Variants in RREB1 observed in about 807,000 individuals in gnomAD.
RREB1 encodes the protein ras-responsive element-binding protein 1.
Under a neutral mutation model 117.8 loss-of-function variants are expected in RREB1, and 27 were observed. That is an observed-to-expected ratio of 0.23 (90% confidence interval 0.17 to 0.32). The LOEUF is 0.32. Among genes scored for constraint, RREB1 ranks in the 10% least tolerant of loss-of-function variants. RREB1 has a pLI of 1.00. For missense variants in RREB1, 2,577 were observed against 2,378.2 expected (o/e 1.08, Z -1.74); for synonymous variants, 1,298 against 1,026.7 (o/e 1.26, Z -5.05).
chr6:7,200,244 A>ATGTGTGTGTGTGTGTGTGTG (rs70978945), intron 6 of RREB1, among the ~76,000 whole-genome samples: 3 of 129,358 alleles, frequency 2.3e-5, no homozygotes, highest in Non-Finnish European at 3.2e-5. Flanking sequence ...ATGTGTGTAT[A>ATGTGTGTGTGTGTGTGTGTG]TGTGTGTGTG....
intron 12 of RREB1, among the ~76,000 whole-genome samples, chr6:7,247,567 G>A (rs1769163449): frequency 6.6e-6 from 1 of 152,164 alleles, no homozygotes. Flanking sequence ...CTTGTGCTGG[G>A]CATTTGGGCC....
chr6:7,241,349 C>G (rs980012349), intron 11 of RREB1, among the ~76,000 whole-genome samples: 1 of 152,150 alleles, frequency 6.6e-6, no homozygotes, highest in Admixed American at 6.5e-5. Flanking sequence ...ATCCTCACCC[C>G]CAAGAGCAAA....
chr6:7,238,792 T>G (rs1768502881), intron 10 of RREB1, among the ~76,000 whole-genome samples: 1 of 152,228 alleles, frequency 6.6e-6, no homozygotes. Context: ...TCTGTTGTCT[T>G]TGATTGTTGC....
At position 7,220,626 on chromosome 6, in the gene RREB1, T is replaced by A. The variant is rs558591274; in HGVS notation, c.708-5841T>A. ...GTTTCCAACATCGAGTTATCTCTGT[T>A]GCCAGAAAATCAAAAGGCAGCCAAT... On this transcript the variant is annotated intron_variant, in intron 8 of 12. Transcript: ENST00000379938. 5.3e-5 allele frequency among the ~76,000 whole-genome samples: 8 copies of A among 152,380 alleles called. No homozygotes were observed. The East Asian group carries it at 1.5e-3, about 29-fold the overall frequency.
intron 8 of RREB1, among the ~76,000 whole-genome samples, chr6:7,221,222 G>T (rs954141350): frequency 4.6e-5 from 7 of 151,574 alleles, no homozygotes; most frequent in Admixed American, 6.6e-5. Context: ...ACTGCGGACT[G>T]CAGTGGCGCA....
At chr6:7,239,065 C>T (rs1234194990) in intron 10 of RREB1, among the ~76,000 whole-genome samples, 1 of 152,210 alleles carries the variant, frequency 6.6e-6, no homozygotes, top group Non-Finnish European at 1.5e-5. Flanking sequence ...TGGCTGGTCC[C>T]CAGGTGCCAG....
chr6:7,233,239 T>C (rs1768110375), intron 10 of RREB1, among the ~76,000 whole-genome samples: 1 of 152,228 alleles, frequency 6.6e-6, no homozygotes, highest in Admixed American at 6.5e-5. Flanking sequence ...GAAGCTGATT[T>C]TTAAAGAGAA....
At chr6:7,187,785 T>A (rs1410700021) in intron 5 of RREB1, 3 of 198,424 alleles carry the variant, frequency 1.5e-5, no homozygotes, top group African/African-American at 2.3e-5. Context: ...ATTTAGTTTT[T>A]TAAATAATTT....
chr6:7,182,485 G>C (rs570622760), intron 4 of RREB1, among the ~76,000 whole-genome samples: 2 of 152,270 alleles, frequency 1.3e-5, no homozygotes, highest in African/African-American at 4.8e-5. Flanking sequence ...CTGCCGTTCA[G>C]CTTTCTATCC....
chr6:7,200,759 C>T (rs906244410), intron 6 of RREB1, among the ~76,000 whole-genome samples: 3 of 152,262 alleles, frequency 2.0e-5, no homozygotes, highest in African/African-American at 7.2e-5. Flanking sequence ...AAGCCTTTTT[C>T]GTCCTATCAC....
chr6:7,120,347 A>G (rs1335867893), intron 1 of RREB1, among the ~76,000 whole-genome samples: 1 of 152,064 alleles, frequency 6.6e-6, no homozygotes, highest in African/African-American at 2.4e-5. Context: ...CCAGATACTC[A>G]GGAGACTGAG....
At chr6:7,233,555 T>G (rs915067504) in intron 10 of RREB1, among the ~76,000 whole-genome samples, 1 of 152,198 alleles carries the variant, frequency 6.6e-6, no homozygotes, top group Non-Finnish European at 1.5e-5. Flanking sequence ...AGTATAAGTA[T>G]TTTTATGTAG....
At position 7,248,579 on chromosome 6, in the gene RREB1, C is replaced by G; in HGVS notation, c.4840C>G (p.Gln1614Glu). The G allele has an allele frequency of 1.9e-6, 3 of 1,614,248 alleles. No homozygotes were observed. Among genetic ancestry groups the G allele is most frequent in the Non-Finnish European group, 2.5e-6 (3 of 1,180,050 alleles). ...FTLKHSLVRH[Q>E]RIHQKARHAK... ...CTTGAAGCACAGCCTGGTTCGCCACCAGCGGATCCACCAGAAAGCCAGGCA... is the reference window on the plus strand; with the variant it reads ...CTTGAAGCACAGCCTGGTTCGCCACGAGCGGATCCACCAGAAAGCCAGGCA... The change falls in exon 13 of 13, where the codon CAG (glutamine) becomes GAG (glutamate). Residue 1614 changes from glutamine (Q) to glutamate (E), a missense_variant. Physicochemically the swap from Gln to Glu is conservative, Grantham distance 29. Coordinates refer to ENST00000379938, the MANE Select transcript of RREB1 (RefSeq NM_001003699.4).
At chr6:7,125,296 A>G (rs80097396) in intron 1 of RREB1, among the ~76,000 whole-genome samples, 8,238 of 152,286 alleles carry the variant, frequency 0.054, 324 homozygotes, top group Middle Eastern at 0.099. Context: ...CACTGGACAA[A>G]TTCTGCCAAG....
chr6:7,173,679 G>A (rs1473150556), intron 1 of RREB1, among the ~76,000 whole-genome samples: 1 of 152,010 alleles, frequency 6.6e-6, no homozygotes, highest in Non-Finnish European at 1.5e-5. Context: ...TTAGCCGGGT[G>A]TGGTGGCACA....
chr6:7,164,305 C>T (rs1259204881), intron 1 of RREB1, among the ~76,000 whole-genome samples: 1 of 152,150 alleles, frequency 6.6e-6, no homozygotes, highest in African/African-American at 2.4e-5. Flanking sequence ...TCTCCTTTCC[C>T]CCACCCGGTT....
chr6:7,188,299 G>A (rs1765209462), intron 5 of RREB1, among the ~76,000 whole-genome samples: 1 of 151,846 alleles, frequency 6.6e-6, no homozygotes, highest in South Asian at 2.1e-4. Flanking sequence ...CGCCCAGGCT[G>A]GAGTACAGTG....
At chr6:7,142,099 C>G (rs1264864027) in intron 1 of RREB1, among the ~76,000 whole-genome samples, 1 of 152,170 alleles carries the variant, frequency 6.6e-6, no homozygotes, top group East Asian at 1.9e-4. Context: ...CCTGTGATCC[C>G]AGCTACTCAG....
At chr6:7,110,441 G>A (rs1400080709) in intron 1 of RREB1, among the ~76,000 whole-genome samples, 1 of 151,970 alleles carries the variant, frequency 6.6e-6, no homozygotes, top group African/African-American at 2.4e-5. Flanking sequence ...TACTCTACAA[G>A]TAATTTATAC....
Sources: gnomAD v4.1 joint callset for allele counts (sites outside exome capture counted in the v4.1 genomes callset) on GRCh38, gnomAD v4.1.1 for gene constraint, MANE v1.5 for transcripts, NCBI Gene and HGNC (gene_info 2026-07-23, HGNC 2026-07-21) for gene names.